Variants in FAT1 observed in about 807,000 individuals in gnomAD.
FAT1 encodes the protein protocadherin Fat 1.
FAT1 carries 171 observed loss-of-function variants against 329.8 expected under a neutral mutation model. The ratio of observed to expected loss-of-function variants is 0.52; its 90% CI spans 0.46 to 0.59. The LOEUF (loss-of-function observed/expected upper bound fraction) is 0.59, where lower values mean the gene tolerates loss of function less well. Ranked by LOEUF, FAT1 falls within the 20% of genes least tolerant of loss-of-function variation. The pLI is 0.00. For missense variants in FAT1, 5,672 were observed against 5,774.4 expected (o/e 0.98, Z 0.57); for synonymous variants, 2,233 against 2,228.6 (o/e 1.00, Z -0.06).
chr4:186,672,601 G>A (rs1742779545), intron 2 of FAT1, among the ~76,000 whole-genome samples: 1 of 152,198 alleles, frequency 6.6e-6, no homozygotes, highest in Admixed American at 6.5e-5. Flanking sequence ...ATATAGCAGA[G>A]AAGAACTTCT....
intron 3 of FAT1, among the ~76,000 whole-genome samples, chr4:186,662,462 G>C (rs1255056967): frequency 6.6e-6 from 1 of 151,998 alleles, no homozygotes; most frequent in Non-Finnish European, 1.5e-5. Flanking sequence ...GACATCGATG[G>C]AAAAAAATAT....
rs752275654 is a variant in FAT1 at position 186,619,910 on chromosome 4, G to A, written c.6676C>T (p.Gln2226Ter). 1.2e-6 allele frequency: 2 copies of A among 1,613,984 alleles called. No homozygotes were observed. Among genetic ancestry groups the A allele is most frequent in the South Asian group, 1.1e-5 (1 of 91,084 alleles). ...CCAGTATTGAAGTTAATAGTGAACT[G>A]GCTGAAAGGGTCTCCGTCTGTGATG... The part of the protein sequence containing the change: ...YSITDGDPFS[Q>*]FTINFNTGVI... The change falls in exon 10 of 27, where the codon CAG becomes TAG. Residue 2226 changes from glutamine to a stop codon, truncating the protein, a stop_gained. Transcript: ENST00000441802. LOFTEE classifies it high-confidence loss of function.
chr4:186,669,425 C>A (rs1033617883), intron 2 of FAT1, among the ~76,000 whole-genome samples: 5 of 152,196 alleles, frequency 3.3e-5, no homozygotes, highest in Non-Finnish European at 5.9e-5. Flanking sequence ...ACGCTTGTTA[C>A]GTGTGCCACT....
At chr4:186,709,903 T>C (rs1744875285) in intron 1 of FAT1, 58 bp from the exon 2 acceptor site, 3 of 1,422,466 alleles carry the variant, frequency 2.1e-6, no homozygotes, top group East Asian at 5.0e-5. Context: ...CAAAAGTGTG[T>C]ACATTGTTTT....
chr4:186,605,929 TA>T (rs1739111843), intron 17 of FAT1, 140 bp downstream of exon 17: 1 of 752,786 alleles, frequency 1.3e-6, no homozygotes, highest in African/African-American at 1.8e-5. Flanking sequence ...GCTCATCTTT[TA>T]ATACTGATAG....
chr4:186,707,370 G>A lies in FAT1; in HGVS notation c.2458C>T (p.Pro820Ser), dbSNP rs2126687955. 6.8e-6 allele frequency: 11 copies of A among 1,613,976 alleles called. No individual in the cohort carries two copies. The highest frequency in any genetic ancestry group is 9.3e-6 in the Non-Finnish European group (11 of 1,179,890). The change falls in exon 2 of 27, where the codon CCC (proline) becomes TCC (serine). Residue 820 changes from proline to serine, a missense_variant. Around this residue, in one of 2 missense-constraint regions of FAT1, gnomAD observed 3,966 missense variants for 3,915.2 expected, o/e 1.01. Coordinates refer to ENST00000441802, the MANE Select transcript of FAT1 (RefSeq NM_005245.4). Reference protein sequence around the residue: ...VVVVDANDNPPEFLQESYFVE... With the variant: ...VVVVDANDNPSEFLQESYFVE... ...AAATAGCTCTCCTGTAAAAACTCGGGTGGATTATCATTGGCATCGACAACC... is the reference window on the plus strand; with the variant it reads ...AAATAGCTCTCCTGTAAAAACTCGGATGGATTATCATTGGCATCGACAACC...
chr4:186,709,110 T>C lies in FAT1; in HGVS notation c.718A>G (p.Met240Val), dbSNP rs1744811487. Reference sequence around the variant, plus strand: ...TCGATGTGCACCGTTAGCTTGGCCATGCTGCTGATGCCACTGCTCCCATAC... The same window carrying C: ...TCGATGTGCACCGTTAGCTTGGCCACGCTGCTGATGCCACTGCTCCCATAC... The part of the protein sequence containing the change: ...KLYGSSGISS[M>V]AKLTVHIEQA... The change falls in exon 2 of 27, where the codon ATG becomes GTG. Residue 240 changes from methionine to valine, a missense_variant. Around this residue, in one of 2 missense-constraint regions of FAT1, gnomAD observed 3,966 missense variants for 3,915.2 expected, o/e 1.01. Transcript: ENST00000441802. The C allele has an allele frequency of 1.2e-6, 2 of 1,613,812 alleles. No individual in the cohort carries two copies. Among genetic ancestry groups the C allele is most frequent in the Non-Finnish European group, 1.7e-6 (2 of 1,179,728 alleles).
rs533391204 is a variant in FAT1 at position 186,707,353 on chromosome 4, C to G, written c.2475G>C (p.Glu825Asp). ...ANDNPPEFLQ[E>D]SYFVEVSEDK... ...CTTCACTCACTTCCACAAAATAGCT[C>G]TCCTGTAAAAACTCGGGTGGATTAT... is the stretch of plus-strand genomic sequence containing the variant. Residue 825 changes from glutamate to aspartate, a missense_variant, in exon 2 of 27, where the codon GAG becomes GAC. This residue lies in a region of FAT1 where 3,966 missense variants were observed against 3,915.2 expected (regional missense o/e 1.01). Coordinates refer to ENST00000441802, the MANE Select transcript of FAT1 (RefSeq NM_005245.4). 19 of 1,614,016 alleles carry G rather than the reference C, an allele frequency of 1.2e-5. No individual in the cohort carries two copies. The African/African-American group carries it at 2.1e-4, about 18-fold the overall frequency.
At chr4:186,643,247 G>T (rs1741184586) in intron 3 of FAT1, among the ~76,000 whole-genome samples, 1 of 152,190 alleles carries the variant, frequency 6.6e-6, no homozygotes, top group South Asian at 2.1e-4. Context: ...AGCTCTGCTG[G>T]ACGGCACCGG....
intron 3 of FAT1, among the ~76,000 whole-genome samples, chr4:186,656,097 T>G (rs922536762): frequency 6.6e-6 from 1 of 152,222 alleles, no homozygotes; most frequent in Non-Finnish European, 1.5e-5. Flanking sequence ...CCGGGAAAGC[T>G]TGACTGAGGA....
intron 3 of FAT1, among the ~76,000 whole-genome samples, chr4:186,645,627 A>G (rs2126584383): frequency 6.6e-6 from 1 of 151,644 alleles, no homozygotes; most frequent in African/African-American, 2.4e-5. Flanking sequence ...GGAGGGACTG[A>G]AGACTGTGGT....
rs1739275965 is a variant in FAT1, at chr4:186,609,171, T to C, written c.10206+12A>G. On this transcript the variant is annotated intron_variant, in intron 16 of 26. Coordinates refer to ENST00000441802, the MANE Select transcript of FAT1 (RefSeq NM_005245.4). ...GATTTGTAAACAACGTAAATCAACC[T>C]TTTTCACTTACCGTTTCTCGGTCGA... 6.2e-7 allele frequency: 1 copy of C among 1,609,656 alleles called. No homozygotes were observed. Among genetic ancestry groups the C allele is most frequent in the Non-Finnish European group, 8.5e-7 (1 of 1,177,998 alleles).
At position 186,723,776 on chromosome 4, in the gene FAT1, G is replaced by T. The variant is rs1246883681; in HGVS notation, c.-131C>A. On this transcript the variant is annotated 5_prime_UTR_variant, in exon 1 of 27. Coordinates refer to ENST00000441802, the MANE Select transcript of FAT1 (RefSeq NM_005245.4). ...GGGCCCTCGCCGGGCTCGCGCGTCC[G>T]CATGGTACCTGCCGCACGAGCCGCT... The T allele has an allele frequency of 6.8e-6, 1 of 147,912 alleles. No homozygotes were observed. Among genetic ancestry groups the T allele is most frequent in the Non-Finnish European group, 1.5e-5 (1 of 66,760 alleles). The allele number at this position is 147,912 out of a possible 1,614,324, so 9.2% of individuals were successfully genotyped here. A position where few individuals can be genotyped will look rare whatever the true frequency, so the allele number is the denominator to read the frequency against.
intron 2 of FAT1, among the ~76,000 whole-genome samples, chr4:186,676,081 A>G (rs1483865235): frequency 4.7e-5 from 7 of 149,684 alleles, no homozygotes; most frequent in African/African-American, 1.7e-4. Flanking sequence ...GAGAGAGGAA[A>G]AGAAGGGCAC....
rs1296962255 is a variant in FAT1 at position 186,709,446 on chromosome 4, T to C, written c.382A>G (p.Asn128Asp). The C allele has an allele frequency of 6.2e-7, 1 of 1,613,944 alleles. No individual in the cohort carries two copies. Among genetic ancestry groups the C allele is most frequent in the South Asian group, 1.1e-5 (1 of 91,066 alleles). Reference protein sequence around the residue: ...LIVKALEKNTNVEARTKVRVQ... With the variant: ...LIVKALEKNTDVEARTKVRVQ... ...CTGACCTTTGTTCGCGCCTCCACAT[T>C]AGTATTTTTTTCAAGTGCTTTCACT... The change falls in exon 2 of 27, where the codon AAT (asparagine) becomes GAT (aspartate). Residue 128 changes from asparagine to aspartate, a missense_variant. Asn to Asp is a conservative substitution (Grantham distance 23, BLOSUM62 1). Transcript: ENST00000441802.
In FAT1 at chr4:186,663,131, C is replaced by T. The variant is rs327075; in HGVS notation, c.3580+168G>A. Among the ~76,000 whole-genome samples the T allele has an allele frequency of 1.1e-3, 161 of 152,172 alleles. 1 individual carries two copies. Among genetic ancestry groups the T allele is most frequent in the African/African-American group, 3.6e-3 (148 of 41,530 alleles). ...GATTACAGGCGTGAGCCACTGTGCC[C>T]GGTTATGCTAAATTTTTATCCAAAA... On this transcript the variant is annotated intron_variant, in intron 3 of 26. Coordinates refer to ENST00000441802, the MANE Select transcript of FAT1 (RefSeq NM_005245.4).
At position 186,645,422 on chromosome 4, in the gene FAT1, T is replaced by TCTAA. The variant is rs1420963668; in HGVS notation, c.3581-5640_3581-5639insTTAG. On this transcript the variant is annotated intron_variant, in intron 3 of 26. Coordinates refer to ENST00000441802, the MANE Select transcript of FAT1 (RefSeq NM_005245.4). Reference sequence around the variant, plus strand: ...ATATATATATATATATATATATATATGCCTGTAAAAAACTGAGATATATCC... The same window carrying TCTAA: ...ATATATATATATATATATATATATATCTAAGCCTGTAAAAAACTGAGATATATCC... 2.1e-4 allele frequency among the ~76,000 whole-genome samples: 12 copies of TCTAA among 58,010 alleles called. 1 individual carries two copies. The highest frequency in any genetic ancestry group is 8.2e-4 in the African/African-American group (11 of 13,452). The allele number at this position is 58,010 out of a possible 152,430, so 38.1% of individuals were successfully genotyped here. A position where few individuals can be genotyped will look rare whatever the true frequency, so the allele number is the denominator to read the frequency against.
chr4:186,675,825 A>ACACT (rs1742931417), intron 2 of FAT1, among the ~76,000 whole-genome samples: 1 of 140,586 alleles, frequency 7.1e-6, no homozygotes, highest in Admixed American at 7.2e-5. Context: ...ACACACACAC[A>ACACT]ATTAATTTTT....
rs189271562 is a variant in FAT1 at position 186,620,816 on chromosome 4, C to G, written c.5770G>C (p.Gly1924Arg). 6.2e-7 allele frequency: 1 copy of G among 1,613,966 alleles called. No individual in the cohort carries two copies. ...TTGTAGTCCATAGAAAACTTCTCCC[C>G]GATGTTGCCTTCGGTGATGGAGTAA... ...LIYSITEGNI[G>R]EKFSMDYKTG... The change falls in exon 10 of 27, where the codon GGG becomes CGG. Residue 1924 changes from glycine to arginine, a missense_variant. Physicochemically the swap from Gly to Arg is moderately radical, Grantham distance 125 (BLOSUM62 -2). This residue lies in a region of FAT1 where 3,966 missense variants were observed against 3,915.2 expected (regional missense o/e 1.01). Transcript: ENST00000441802.
Sources: gnomAD v4.1 joint callset for allele counts (sites outside exome capture counted in the v4.1 genomes callset) on GRCh38, gnomAD v4.1.1 for gene constraint, gnomAD v4.1.1 regional missense constraint, MANE v1.5 for transcripts, NCBI Gene and HGNC (gene_info 2026-07-23, HGNC 2026-07-21) for gene names.